Variants in NUGGC observed in about 807,000 individuals in gnomAD.
NUGGC encodes the protein nuclear GTPase, germinal center associated, also known as nuclear GTPase SLIP-GC.
In NUGGC, 58 loss-of-function variants were observed where a neutral mutation model predicts 92.6. The ratio of observed to expected loss-of-function variants is 0.63; its 90% CI spans 0.51 to 0.78. The LOEUF is 0.78. NUGGC is among the 30% of genes least tolerant of loss of function. The pLI is 0.00. For synonymous variants in NUGGC, 376 were observed against 366.4 expected (o/e 1.03, Z -0.30); for missense variants, 925 against 964.6 (o/e 0.96, Z 0.54).
Position 28,057,963 on chromosome 8 carries a change from C to T in NUGGC, c.1116+295G>A, listed in dbSNP as rs148747318. Among the ~76,000 whole-genome samples, 20 of 152,156 alleles carry T rather than the reference C, an allele frequency of 1.3e-4. No individual in the cohort carries two copies. The East Asian group carries it at 3.3e-3, about 25-fold the overall frequency. ...TCCCAGCACTTTGGGAGGCTGAAGCCGGTGGATCACCTGAGGTCAGGGGTT... is the reference window on the plus strand; with the variant it reads ...TCCCAGCACTTTGGGAGGCTGAAGCTGGTGGATCACCTGAGGTCAGGGGTT... On this transcript the variant is annotated intron_variant, in intron 9 of 18. Transcript: ENST00000413272.
chr8:28,048,788 G>A (rs964470057), intron 10 of NUGGC, among the ~76,000 whole-genome samples: 9 of 151,146 alleles, frequency 6.0e-5, no homozygotes, highest in South Asian at 2.1e-4. Flanking sequence ...GTTTGAACCC[G>A]GGAGGTAGAG....
chr8:28,080,940 C>T (rs1168709062), intron 1 of NUGGC, among the ~76,000 whole-genome samples: 3 of 152,110 alleles, frequency 2.0e-5, no homozygotes, highest in African/African-American at 7.2e-5. Flanking sequence ...ATCTTCAATG[C>T]AACACAGAGC....
chr8:28,070,556 G>T (rs935404728), intron 2 of NUGGC, among the ~76,000 whole-genome samples, 200 bp from the exon 3 acceptor site: 1 of 151,430 alleles, frequency 6.6e-6, no homozygotes, highest in African/African-American at 2.4e-5. Flanking sequence ...TTCGAGACAT[G>T]CCTGGGCAAC....
intron 12 of NUGGC, among the ~76,000 whole-genome samples, chr8:28,042,985 T>C (rs988598478): frequency 6.6e-6 from 1 of 152,232 alleles, no homozygotes; most frequent in Non-Finnish European, 1.5e-5. Flanking sequence ...TTAGAGTTTA[T>C]GGAGACTGTT....
chr8:28,060,566 G>T lies in NUGGC; in HGVS notation c.957C>A (p.Ser319Arg), dbSNP rs1281870278. 1.9e-6 allele frequency: 3 copies of T among 1,613,204 alleles called. No homozygotes were observed. The highest frequency in any genetic ancestry group is 1.7e-6 in the Non-Finnish European group (2 of 1,179,630). Residue 319 changes from serine (S) to arginine (R), a missense_variant, in exon 8 of 19, where the codon AGC (serine) becomes AGA (arginine). By Grantham distance (110) the Ser-to-Arg change is moderately radical. Coordinates refer to ENST00000413272, the MANE Select transcript of NUGGC (RefSeq NM_001010906.2). ...GCCCCCCAGAAACTCGCTCTATGTC[G>T]CTGATCACCCAGATCACTGAGCACT... ...IDKCSVIWVI[S>R]DIERVSGGQA...
intron 11 of NUGGC, 63 bp downstream of exon 11, chr8:28,047,444 A>T: frequency 9.3e-7 from 1 of 1,077,734 alleles, no homozygotes; most frequent in Non-Finnish European, 1.4e-6. Flanking sequence ...AGAGCAGGAA[A>T]TTCGAAGTGC....
At chr8:28,026,415 T>C (rs573094908) in intron 18 of NUGGC, among the ~76,000 whole-genome samples, 1 of 152,196 alleles carries the variant, frequency 6.6e-6, no homozygotes, top group Non-Finnish European at 1.5e-5. Context: ...CATGGTTGCC[T>C]ACACCAAGGT....
chr8:28,034,801 G>C (rs1809514346), intron 13 of NUGGC, among the ~76,000 whole-genome samples: 1 of 151,950 alleles, frequency 6.6e-6, no homozygotes, highest in Non-Finnish European at 1.5e-5. Flanking sequence ...TGGGCAACAA[G>C]AGCGAAACTC....
chr8:28,024,177 C>T (rs957304112), intron 18 of NUGGC, among the ~76,000 whole-genome samples: 6 of 151,244 alleles, frequency 4.0e-5, no homozygotes, highest in African/African-American at 1.2e-4. Context: ...CCCACCACCT[C>T]GCCTAGCTAA....
intron 2 of NUGGC, among the ~76,000 whole-genome samples, chr8:28,071,402 A>C (rs1022132968): frequency 2.0e-5 from 3 of 152,184 alleles, no homozygotes; most frequent in Admixed American, 2.0e-4. Context: ...CAATTTATTC[A>C]TCTGGAAAAT....
At chr8:28,056,370 C>A (rs1014516244) in intron 9 of NUGGC, among the ~76,000 whole-genome samples, 1 of 150,640 alleles carries the variant, frequency 6.6e-6, no homozygotes, top group Admixed American at 6.6e-5. Flanking sequence ...CCCAGCTACT[C>A]GGGAGGCTGA....
At chr8:28,026,245 A>G (rs928581341) in intron 18 of NUGGC, among the ~76,000 whole-genome samples, 3 of 152,190 alleles carry the variant, frequency 2.0e-5, no homozygotes, top group African/African-American at 4.8e-5. Context: ...AACCTTGTCT[A>G]TATGCCACCC....
chr8:28,047,506 C>T lies in NUGGC; in HGVS notation c.1312+1G>A, dbSNP rs1017088084. The T allele has an allele frequency of 2.0e-6, 3 of 1,525,044 alleles. No homozygotes were observed. The East Asian group carries it at 7.3e-5, about 37-fold the overall frequency. 94.5% of individuals were successfully genotyped at this position (1,525,044 alleles called of 1,614,324 possible). A position where few individuals can be genotyped will look rare whatever the true frequency, so the allele number is the denominator to read the frequency against. ...ATGGAGATTTAAAAAACATAAATTA[C>T]CCGTTTCCTCCTCGGTGAGGAGAGC... is the stretch of plus-strand genomic sequence containing the variant. On this transcript the variant is annotated splice_donor_variant, in intron 11 of 18. Coordinates refer to ENST00000413272, the MANE Select transcript of NUGGC (RefSeq NM_001010906.2). LOFTEE classifies it high-confidence loss of function.
intron 13 of NUGGC, among the ~76,000 whole-genome samples, chr8:28,039,107 C>T (rs1809628677): frequency 6.6e-6 from 1 of 152,170 alleles, no homozygotes; most frequent in African/African-American, 2.4e-5. Flanking sequence ...CCCCAGTGAC[C>T]CCAGAATCAC....
intron 9 of NUGGC, among the ~76,000 whole-genome samples, chr8:28,056,874 A>T (rs1339480470): frequency 1.3e-5 from 2 of 152,244 alleles, no homozygotes; most frequent in Non-Finnish European, 2.9e-5. Context: ...TACATACTAT[A>T]CTACTGTAAT....
intron 1 of NUGGC, among the ~76,000 whole-genome samples, chr8:28,075,082 G>A (rs1810687071): frequency 6.6e-6 from 1 of 152,156 alleles, no homozygotes; most frequent in Non-Finnish European, 1.5e-5. Flanking sequence ...TGCTCCACTG[G>A]GGCAAGGCTT....
chr8:28,027,668 C>T (rs553920397), intron 17 of NUGGC, among the ~76,000 whole-genome samples: 3 of 152,276 alleles, frequency 2.0e-5, no homozygotes, highest in Admixed American at 6.5e-5. Context: ...GGATCTCCTA[C>T]GCTTTTTCTT....
intron 1 of NUGGC, among the ~76,000 whole-genome samples, chr8:28,078,089 GT>G (rs1216345686): frequency 6.6e-6 from 1 of 152,178 alleles, no homozygotes; most frequent in Non-Finnish European, 1.5e-5. Flanking sequence ...GTTGGTTTGG[GT>G]TTAGCTGCAT....
chr8:28,037,736 T>C (rs1414748242), intron 13 of NUGGC, among the ~76,000 whole-genome samples: 2 of 152,144 alleles, frequency 1.3e-5, no homozygotes, highest in Admixed American at 1.3e-4. Flanking sequence ...CTGAGGTTTC[T>C]AAAAAAAGTT....
Sources: allele counts gnomAD v4.1 joint callset (sites outside exome capture counted in the v4.1 genomes callset), GRCh38; gene constraint gnomAD v4.1.1; transcripts MANE v1.5; gene names NCBI Gene and HGNC (gene_info 2026-07-23, HGNC 2026-07-21).